RAD50: variants seen among roughly 807,000 people sequenced by gnomAD.
RAD50 encodes the protein RAD50 double strand break repair protein.
Under a neutral mutation model 168.8 loss-of-function variants are expected in RAD50, and 132 were observed. The observed-to-expected ratio is 0.78, with a 90% CI of 0.68 to 0.90. The LOEUF (loss-of-function observed/expected upper bound fraction) is 0.90, where lower values mean the gene tolerates loss of function less well. Ranked by LOEUF, RAD50 falls within the 40% of genes least tolerant of loss-of-function variation. RAD50 has a pLI of 0.00. For synonymous variants in RAD50, 525 were observed against 497.4 expected (o/e 1.06, Z -0.74); for missense variants, 1,347 against 1,534.4 (o/e 0.88, Z 2.04).
At chr5:132,603,872 A>G in intron 14 of RAD50, 48 bp from the exon 15 acceptor site, 1 of 1,466,778 alleles carries the variant, frequency 6.8e-7, no homozygotes, top group Non-Finnish European at 9.4e-7. Context: ...AAGATTTTGA[A>G]TAATGCAGTA....
intron 2 of RAD50, among the ~76,000 whole-genome samples, chr5:132,564,387 A>G (rs780210630): frequency 4.3e-4 from 66 of 152,348 alleles, no homozygotes; most frequent in Admixed American, 1.4e-3. Flanking sequence ...TAGCAAAGAG[A>G]CTGGCAGCAT....
chr5:132,560,335 CCT>C (rs1258947365), intron 2 of RAD50, among the ~76,000 whole-genome samples: 32 of 151,910 alleles, frequency 2.1e-4, no homozygotes, highest in African/African-American at 7.2e-4. Flanking sequence ...TAAATGACCC[CCT>C]GTTGATTATT....
chr5:132,594,775 T>C, intron 11 of RAD50, 94 bp from the exon 12 acceptor site: 1 of 1,282,504 alleles, frequency 7.8e-7, no homozygotes, highest in Non-Finnish European at 1.1e-6. Flanking sequence ...TTGTCATGAT[T>C]TGTTGGCAGA....
intron 19 of RAD50, among the ~76,000 whole-genome samples, chr5:132,614,251 T>C (rs1751136708): frequency 6.6e-6 from 1 of 152,194 alleles, no homozygotes; most frequent in Non-Finnish European, 1.5e-5. Flanking sequence ...CAAATTCAAA[T>C]GTTCTGGGGT....
chr5:132,617,680 A>G (rs896936567), intron 20 of RAD50, among the ~76,000 whole-genome samples: 2 of 152,192 alleles, frequency 1.3e-5, no homozygotes, highest in South Asian at 4.1e-4. Flanking sequence ...CAAAATGATG[A>G]TGAAGCCTGT....
intron 2 of RAD50, among the ~76,000 whole-genome samples, chr5:132,570,596 T>G (rs1304403636): frequency 6.6e-6 from 1 of 152,208 alleles, no homozygotes; most frequent in Non-Finnish European, 1.5e-5. Flanking sequence ...CTTTGCAGCT[T>G]CTTTACTTCT....
In RAD50 at chr5:132,591,915, G is replaced by A. The variant is rs1580994811; in HGVS notation, c.1674G>A (p.Arg558=). The change falls in exon 11 of 25, where the codon AGG becomes AGA. Residue 558 remains arginine, a synonymous_variant. Transcript: ENST00000378823. The part of the protein sequence containing the change: ...KDEQIRKIKS[R]HSDELTSLLG... ...AACAAATCAGAAAAATAAAATCTAG[G>A]CACAGTGATGAATTAACCTCACTGT... is the stretch of plus-strand genomic sequence containing the variant. 1 of 1,607,808 alleles carries A rather than the reference G, an allele frequency of 6.2e-7. No individual in the cohort carries two copies. The highest frequency in any genetic ancestry group is 8.5e-7 in the Non-Finnish European group (1 of 1,174,912).
chr5:132,595,589 C>T lies in RAD50; in HGVS notation c.1986C>T (p.Ala662=), dbSNP rs777890524. 4 of 1,612,328 alleles carry T rather than the reference C, an allele frequency of 2.5e-6. No individual in the cohort carries two copies. Among genetic ancestry groups the T allele is most frequent in the Non-Finnish European group, 3.4e-6 (4 of 1,178,554 alleles). ...SSKQRAMLAG[A]TAVYSQFITQ... is the part of the protein sequence containing the mutation. ...TTAAAATAGCCATGCTGGCTGGAGCCACAGCAGTTTACTCCCAGTTCATTA... is the reference window on the plus strand; with the variant it reads ...TTAAAATAGCCATGCTGGCTGGAGCTACAGCAGTTTACTCCCAGTTCATTA... The change falls in exon 13 of 25, where the codon GCC becomes GCT. Residue 662 remains alanine, a synonymous_variant. Coordinates refer to ENST00000378823, the MANE Select transcript of RAD50 (RefSeq NM_005732.4).
intron 3 of RAD50, among the ~76,000 whole-genome samples, chr5:132,578,284 G>A (rs1292620581): frequency 6.6e-6 from 1 of 152,154 alleles, no homozygotes; most frequent in Non-Finnish European, 1.5e-5. Context: ...AGTGACAAAA[G>A]CCAAGAACCT....
At chr5:132,635,123 T>G (rs1296213402) in intron 21 of RAD50, among the ~76,000 whole-genome samples, 1 of 152,194 alleles carries the variant, frequency 6.6e-6, no homozygotes, top group Non-Finnish European at 1.5e-5. Context: ...CCTTTTCAAT[T>G]TTAACTGTCA....
At chr5:132,592,156 A>C in intron 11 of RAD50, 122 bp downstream of exon 11, 1 of 1,042,848 alleles carries the variant, frequency 9.6e-7, no homozygotes, top group Non-Finnish European at 1.4e-6. Flanking sequence ...TAGTTCTTAC[A>C]TACAAGGAGA....
chr5:132,619,087 A>G (rs1561651237), intron 21 of RAD50, among the ~76,000 whole-genome samples: 1 of 152,166 alleles, frequency 6.6e-6, no homozygotes, highest in Non-Finnish European at 1.5e-5. Context: ...ATTTTCACTG[A>G]TGTACATAAT....
At chr5:132,592,622 T>C in intron 11 of RAD50, 1 of 270,092 alleles carries the variant, frequency 3.7e-6, no homozygotes, top group Non-Finnish European at 7.7e-6. Flanking sequence ...TCTTCGGCCC[T>C]CCAGAAAGTC....
rs1176850663 is a variant in RAD50, at chr5:132,557,001, C to T, written c.-324C>T. 5.0e-6 allele frequency: 4 copies of T among 806,366 alleles called. No individual in the cohort carries two copies. The highest frequency in any genetic ancestry group is 7.1e-6 in the Non-Finnish European group (4 of 563,012). The allele number at this position is 806,366 out of a possible 1,614,324, so 50.0% of individuals were successfully genotyped here. On this transcript the variant is annotated 5_prime_UTR_variant, in exon 1 of 25. Transcript: ENST00000378823. Reference sequence around the variant, plus strand: ...CACGTGATCCGCAGGGCGGCCGAGGCAGGAAGCTGTGAGTGCGCGGTTGCG... The same window carrying T: ...CACGTGATCCGCAGGGCGGCCGAGGTAGGAAGCTGTGAGTGCGCGGTTGCG...
chr5:132,595,104 G>GTAACTGTT lies in RAD50; in HGVS notation c.1969+61_1969+68dup. 2.6e-6 allele frequency: 4 copies of GTAACTGTT among 1,522,414 alleles called. No homozygotes were observed. In the East Asian group the frequency reaches 9.0e-5, roughly 34 times the overall value. 94.3% of individuals were successfully genotyped at this position (1,522,414 alleles called of 1,614,324 possible). A position where few individuals can be genotyped will look rare whatever the true frequency, so the allele number is the denominator to read the frequency against. ...GACACCTTTGAATTTTCATTCACAG[G>GTAACTGTT]TAACTGTTAAGGATGGGGAATTTAA... On this transcript the variant is annotated intron_variant, in intron 12 of 24. Transcript: ENST00000378823.
At chr5:132,570,730 G>T (rs925029206) in intron 2 of RAD50, among the ~76,000 whole-genome samples, 1 of 152,166 alleles carries the variant, frequency 6.6e-6, no homozygotes, top group Admixed American at 6.5e-5. Context: ...CAGCAGTAAG[G>T]CTGTTTCACT....
rs560939466 is a variant in RAD50, at chr5:132,607,506, C to G, written c.2719-1109C>G. 7.9e-5 allele frequency among the ~76,000 whole-genome samples: 12 copies of G among 152,222 alleles called. No individual in the cohort carries two copies. In the East Asian group the frequency reaches 1.9e-3, roughly 24 times the overall value. On this transcript the variant is annotated intron_variant, in intron 16 of 24. Transcript: ENST00000378823. ...ATTATGCGTACTCATTCAATAAGCACTAAGTATATTACTGAATAATTACTA... is the reference window on the plus strand; with the variant it reads ...ATTATGCGTACTCATTCAATAAGCAGTAAGTATATTACTGAATAATTACTA...
intron 6 of RAD50, 23 bp from the exon 7 acceptor site, chr5:132,587,901 C>G (rs751899762): frequency 1.2e-6 from 2 of 1,608,920 alleles, no homozygotes; most frequent in Non-Finnish European, 1.7e-6. Context: ...TACATTAAAG[C>G]TTTTTATTTT....
chr5:132,576,390 C>T (rs1750400668), intron 3 of RAD50, among the ~76,000 whole-genome samples: 1 of 152,188 alleles, frequency 6.6e-6, no homozygotes, highest in Non-Finnish European at 1.5e-5. Flanking sequence ...CAACCATTAT[C>T]ATTCTGTTAG....
Sources: gnomAD v4.1 joint callset for allele counts (sites outside exome capture counted in the v4.1 genomes callset) on GRCh38, gnomAD v4.1.1 for gene constraint, MANE v1.5 for transcripts, NCBI Gene and HGNC (gene_info 2026-07-23, HGNC 2026-07-21) for gene names.